The following CPVL variants were observed in gnomAD, a reference collection of about 807,000 sequenced individuals.
CPVL encodes the protein probable serine carboxypeptidase CPVL.
A neutral mutation model predicts 63.7 loss-of-function variants in CPVL; 51 were observed. That is an observed-to-expected ratio of 0.80 (90% confidence interval 0.64 to 1.01). The LOEUF (loss-of-function observed/expected upper bound fraction) is 1.01. CPVL is among the 50% of genes least tolerant of loss of function. CPVL has a pLI of 0.00. For synonymous variants in CPVL, 195 were observed against 206.0 expected, an observed-to-expected ratio of 0.95 and a Z score of 0.46; for missense variants, 530 against 573.1, an observed-to-expected ratio of 0.92 and a Z score of 0.77.
intron 5 of CPVL, among the ~76,000 whole-genome samples, chr7:29,172,883 C>T (rs1201220139): frequency 2.0e-5 from 3 of 152,016 alleles, no homozygotes; most frequent in East Asian, 1.9e-4. Context: ...AGCTCACCAG[C>T]GTTTTGGGAG....
intron 12 of CPVL, among the ~76,000 whole-genome samples, chr7:29,025,455 A>C (rs1787397417): frequency 6.6e-6 from 1 of 152,196 alleles, no homozygotes; most frequent in South Asian, 2.1e-4. Flanking sequence ...CTTATCACCA[A>C]GGGATTGGTG....
At chr7:29,017,352 G>C (rs1478501220) in intron 12 of CPVL, among the ~76,000 whole-genome samples, 2 of 152,196 alleles carry the variant, frequency 1.3e-5, no homozygotes, top group African/African-American at 4.8e-5. Context: ...AAACCCAATC[G>C]GCTGGGCGTG....
chr7:29,174,977 G>T (rs1220968301), intron 5 of CPVL, among the ~76,000 whole-genome samples: 3 of 151,874 alleles, frequency 2.0e-5, no homozygotes, highest in Non-Finnish European at 4.4e-5. Flanking sequence ...ATTCATCTCA[G>T]TTGATAAGCA....
intron 11 of CPVL, among the ~76,000 whole-genome samples, chr7:29,032,499 G>A (rs2128155529): frequency 6.6e-6 from 1 of 152,232 alleles, no homozygotes; most frequent in East Asian, 1.9e-4. Context: ...AAGACCTTGA[G>A]TACTCATGGC....
At chr7:29,106,375 G>A (rs1787718924) in intron 3 of CPVL, among the ~76,000 whole-genome samples, 2 of 152,068 alleles carry the variant, frequency 1.3e-5, no homozygotes, top group South Asian at 4.2e-4. Context: ...GTGATCACCT[G>A]GACAGAGCCA....
At chr7:29,107,477 A>G (rs1237462243) in intron 3 of CPVL, among the ~76,000 whole-genome samples, 2 of 152,248 alleles carry the variant, frequency 1.3e-5, no homozygotes, top group African/African-American at 4.8e-5. Context: ...TTTCTAAATG[A>G]GAGAACTGAG....
At chr7:29,143,807 C>A (rs542897087) in intron 1 of CPVL, among the ~76,000 whole-genome samples, 2 of 152,328 alleles carry the variant, frequency 1.3e-5, no homozygotes, top group South Asian at 4.1e-4. Flanking sequence ...GTCCTTCCCC[C>A]TCTTTCACTA....
At chr7:29,175,319 C>T (rs567156604) in intron 5 of CPVL, among the ~76,000 whole-genome samples, 159 of 152,018 alleles carry the variant, frequency 1.0e-3, no homozygotes, top group Non-Finnish European at 1.8e-3. Context: ...GGATTACAGG[C>T]GCATGCCACC....
intron 1 of CPVL, among the ~76,000 whole-genome samples, chr7:29,139,135 C>T (rs1791572410): frequency 6.6e-6 from 1 of 152,158 alleles, no homozygotes; most frequent in East Asian, 1.9e-4. Context: ...GCTGCGGGCT[C>T]CCTATAGTAC....
chr7:29,168,429 T>G (rs1349507185), intron 5 of CPVL, among the ~76,000 whole-genome samples: 1 of 152,350 alleles, frequency 6.6e-6, no homozygotes, highest in Non-Finnish European at 1.5e-5. Flanking sequence ...CTAATAAGCC[T>G]CCATGTAGCC....
intron 12 of CPVL, among the ~76,000 whole-genome samples, chr7:29,023,020 G>C (rs1260163043): frequency 6.6e-6 from 1 of 152,242 alleles, no homozygotes; most frequent in East Asian, 1.9e-4. Flanking sequence ...TTGGGGCTGG[G>C]GGACTGGCCC....
intron 5 of CPVL, among the ~76,000 whole-genome samples, chr7:29,094,025 A>G (rs1786130669): frequency 6.6e-6 from 1 of 152,228 alleles, no homozygotes; most frequent in Non-Finnish European, 1.5e-5. Flanking sequence ...TTGTCCAGAG[A>G]TGAAGCATGT....
chr7:29,017,743 C>A (rs1209468310), intron 12 of CPVL, among the ~76,000 whole-genome samples: 2 of 152,252 alleles, frequency 1.3e-5, no homozygotes, highest in East Asian at 1.9e-4. Flanking sequence ...TACATTATTT[C>A]TCGGCCCTGC....
chr7:29,131,077 T>C (rs1239677272), intron 1 of CPVL, among the ~76,000 whole-genome samples: 1 of 152,026 alleles, frequency 6.6e-6, no homozygotes, highest in Non-Finnish European at 1.5e-5. Context: ...AATTGCCTCC[T>C]TTTGAATGGT....
At chr7:29,038,323 GCTCT>G (rs1301372194) in intron 11 of CPVL, among the ~76,000 whole-genome samples, 1 of 152,088 alleles carries the variant, frequency 6.6e-6, no homozygotes, top group Non-Finnish European at 1.5e-5. Flanking sequence ...ACCTCAGAGA[GCTCT>G]CTATTACTCT....
chr7:29,115,892 C>T (rs1788732020), intron 2 of CPVL, among the ~76,000 whole-genome samples: 1 of 152,176 alleles, frequency 6.6e-6, no homozygotes. Flanking sequence ...AGACTGCTCT[C>T]AAATGATTCA....
At chr7:28,994,866 C>T (rs1221097615), downstream of CPVL, among the ~76,000 whole-genome samples, 3 of 152,172 alleles carry the variant, frequency 2.0e-5, no homozygotes, top group East Asian at 1.9e-4. Context: ...AAAATCCACA[C>T]GTCTTGTAGA....
chr7:29,112,468 G>C (rs1171233772), intron 3 of CPVL, among the ~76,000 whole-genome samples: 1 of 152,058 alleles, frequency 6.6e-6, no homozygotes, highest in Non-Finnish European at 1.5e-5. Flanking sequence ...CTCCAAATAA[G>C]GCTGCAAGAA....
At chr7:29,152,865 T>C (rs1793795593) in intron 5 of CPVL, among the ~76,000 whole-genome samples, 1 of 152,200 alleles carries the variant, frequency 6.6e-6, no homozygotes, top group East Asian at 1.9e-4. Context: ...TTGCAAATTC[T>C]CCTCCATGGT....
Sources: gnomAD v4.1 joint callset for allele counts (sites outside exome capture counted in the v4.1 genomes callset) on GRCh38, gnomAD v4.1.1 for gene constraint, MANE v1.5 for transcripts, NCBI Gene and HGNC (gene_info 2026-07-23, HGNC 2026-07-21) for gene names.